Variants in TRIP12 observed in about 807,000 individuals in gnomAD.
The protein encoded by TRIP12 is E3 ubiquitin-protein ligase TRIP12.
A neutral mutation model predicts 244.2 loss-of-function variants in TRIP12; 25 were observed. The observed-to-expected ratio is 0.10, with a 90% confidence interval of 0.07 to 0.14. The LOEUF is 0.14. TRIP12 is among the 10% of genes least tolerant of loss of function. TRIP12 has a pLI of 1.00. For missense variants in TRIP12, 1,677 were observed against 2,486.4 expected (o/e 0.67, Z 6.92); for synonymous variants, 905 against 873.1 (o/e 1.04, Z -0.64).
At chr2:229,863,494 C>T (rs763848729) in intron 2 of TRIP12, among the ~76,000 whole-genome samples, 3 of 152,024 alleles carry the variant, frequency 2.0e-5, no homozygotes, top group African/African-American at 4.8e-5. Context: ...CTCAAACAAA[C>T]GAGCATGGTG....
intron 1 of TRIP12, among the ~76,000 whole-genome samples, chr2:229,921,094 A>G (rs1327917568): frequency 6.8e-6 from 1 of 146,908 alleles, no homozygotes; most frequent in African/African-American, 2.5e-5. Flanking sequence ...AGGATACTCT[A>G]TTCCTCTCAG....
chr2:229,857,637 C>CAAA lies in TRIP12; in HGVS notation c.1027+1132_1027+1134dup, dbSNP rs57882382. Among the ~76,000 whole-genome samples the CAAA allele has an allele frequency of 1.6e-4, 22 of 140,584 alleles. No homozygotes were observed. In the South Asian group the frequency reaches 1.6e-3, roughly 10 times the overall value. 92.2% of individuals were successfully genotyped at this position (140,584 alleles called of 152,430 possible). A position where few individuals can be genotyped will look rare whatever the true frequency, so the allele number is the denominator to read the frequency against. ...TGGGCAACAGAGTGAGACTCTGTCT[C>CAAA]AAAAAAAAAAAAGAAGGGAGGAAAG... On this transcript the variant is annotated intron_variant, in intron 4 of 41. Transcript: ENST00000675903.
intron 15 of TRIP12, 43 bp downstream of exon 15, chr2:229,810,837 C>G (rs1408878933): frequency 5.0e-6 from 8 of 1,596,236 alleles, no homozygotes; most frequent in Middle Eastern, 1.7e-4. Context: ...TAATGAAGAA[C>G]CAACTTTTCC....
At chr2:229,829,058 T>C (rs766527012) in intron 8 of TRIP12, 135 bp downstream of exon 8, 16 of 661,588 alleles carry the variant, frequency 2.4e-5, no homozygotes, top group South Asian at 9.1e-5. Context: ...TAAGGTGTGA[T>C]TGTACACAGC....
At chr2:229,879,689 A>G (rs2064408011) in intron 2 of TRIP12, among the ~76,000 whole-genome samples, 1 of 152,244 alleles carries the variant, frequency 6.6e-6, no homozygotes, top group Non-Finnish European at 1.5e-5. Context: ...GATGTGTTGT[A>G]ACATACATTT....
At position 229,767,593 on chromosome 2, in the gene TRIP12, T is replaced by C. The variant is rs200291597; in HGVS notation, c.6165A>G (p.Ile2055Met). Reference protein sequence around the residue: ...SIEIMREKLLIAAREGQQSFH... With the variant: ...SIEIMREKLLMAAREGQQSFH... ...ACGACTGCTGCCCTTCTCTTGCTGC[T>C]ATCAACAGTTTTTCACGCATTATCT... Residue 2055 changes from isoleucine to methionine, a missense_variant, in exon 42 of 42, where the codon ATA becomes ATG. Ile to Met is a conservative substitution (Grantham distance 10). Around this residue, in one of 11 missense-constraint regions of TRIP12, gnomAD observed 171 missense variants for 388.4 expected, o/e 0.44. Transcript: ENST00000675903. The C allele has an allele frequency of 5.3e-5, 86 of 1,613,626 alleles. No individual in the cohort carries two copies. In the East Asian group the frequency reaches 1.8e-3, roughly 33 times the overall value.
rs1280982475 is a variant in TRIP12 at position 229,842,815 on chromosome 2, T to C, written c.1028-1888A>G. ...TTTGAAGTGATGACATATTTTTTAATCAAACTTTATTTTACTCTTTCACTA... is the reference window on the plus strand; with the variant it reads ...TTTGAAGTGATGACATATTTTTTAACCAAACTTTATTTTACTCTTTCACTA... On this transcript the variant is annotated intron_variant, in intron 4 of 41. Transcript: ENST00000675903. 2.6e-5 allele frequency among the ~76,000 whole-genome samples: 4 copies of C among 152,218 alleles called. No individual in the cohort carries two copies. In the East Asian group the frequency reaches 7.7e-4, roughly 29 times the overall value.
At chr2:229,819,040 CCACA>C (rs370625320) in intron 8 of TRIP12, among the ~76,000 whole-genome samples, 26,663 of 133,802 alleles carry the variant, frequency 0.2, 2,285 homozygotes, top group Middle Eastern at 0.25. Flanking sequence ...AAAATAAAAA[CCACA>C]CACACACACA....
chr2:229,864,043 A>T (rs199827747), intron 2 of TRIP12, among the ~76,000 whole-genome samples: 2,363 of 71,756 alleles, frequency 0.033, 24 homozygotes, highest in African/African-American at 0.048. Context: ...AGAGAGAGAG[A>T]GAGAGTGTGT....
At chr2:229,829,101 A>G in intron 8 of TRIP12, 92 bp downstream of exon 8, 1 of 1,193,546 alleles carries the variant, frequency 8.4e-7, no homozygotes, top group Non-Finnish European at 1.2e-6. Flanking sequence ...AGTTGATGAA[A>G]AACTTCTTAA....
chr2:229,897,307 G>T (rs2069125646), intron 1 of TRIP12, among the ~76,000 whole-genome samples: 1 of 152,154 alleles, frequency 6.6e-6, no homozygotes, highest in African/African-American at 2.4e-5. Flanking sequence ...ATCCAAAGTG[G>T]ATTTTAAAAC....
intron 33 of TRIP12, among the ~76,000 whole-genome samples, chr2:229,786,138 T>C (rs1385540567): frequency 6.6e-6 from 1 of 152,188 alleles, no homozygotes. Context: ...AAAAATCGTC[T>C]TTGCCAAATA....
intron 2 of TRIP12, among the ~76,000 whole-genome samples, chr2:229,876,882 T>A (rs2063693357): frequency 6.6e-6 from 1 of 152,052 alleles, no homozygotes; most frequent in South Asian, 2.1e-4. Context: ...TGATGACACA[T>A]GATGTGTATT....
At chr2:229,901,017 T>TCC (rs1399558402) in intron 1 of TRIP12, among the ~76,000 whole-genome samples, 1 of 150,448 alleles carries the variant, frequency 6.6e-6, no homozygotes, top group Non-Finnish European at 1.5e-5. Flanking sequence ...CACTGCAACC[T>TCC]CCGTCTCCCG....
chr2:229,774,633 TGTATAA>T (rs1430112819), intron 37 of TRIP12, among the ~76,000 whole-genome samples: 1 of 152,216 alleles, frequency 6.6e-6, no homozygotes, highest in Non-Finnish European at 1.5e-5. Context: ...AATCCAATAC[TGTATAA>T]GTATACAGCC....
intron 1 of TRIP12, among the ~76,000 whole-genome samples, chr2:229,898,312 AT>A (rs1161531468): frequency 1.3e-5 from 2 of 152,200 alleles, no homozygotes; most frequent in Admixed American, 6.5e-5. Flanking sequence ...TCATTCAGAG[AT>A]TTCCCCCAAT....
intron 2 of TRIP12, among the ~76,000 whole-genome samples, chr2:229,871,204 G>A (rs1209448873): frequency 6.9e-6 from 1 of 144,522 alleles, no homozygotes; most frequent in African/African-American, 2.7e-5. Flanking sequence ...GAGGGGAGGG[G>A]AGGGGAGGGG....
chr2:229,871,980 A>G (rs1180111736), intron 2 of TRIP12, among the ~76,000 whole-genome samples: 1 of 152,024 alleles, frequency 6.6e-6, no homozygotes, highest in African/African-American at 2.4e-5. Context: ...ATCATTTGCT[A>G]TGGCAAAAAC....
chr2:229,890,323 GCCTGCCTCGGCCTCCATCCA>G (rs962595768), intron 1 of TRIP12, among the ~76,000 whole-genome samples: 1 of 151,950 alleles, frequency 6.6e-6, no homozygotes, highest in South Asian at 2.1e-4. Flanking sequence ...CAGGTGATCC[GCCTGCCTCGGCCTCCATCCA>G]CCTGCCTCGG....
Sources: gnomAD v4.1 joint callset for allele counts (sites outside exome capture counted in the v4.1 genomes callset) on GRCh38, gnomAD v4.1.1 for gene constraint, gnomAD v4.1.1 regional missense constraint, MANE v1.5 for transcripts, NCBI Gene and HGNC (gene_info 2026-07-23, HGNC 2026-07-21) for gene names.